Variants in SUMO3 observed in about 807,000 individuals in gnomAD.
SUMO3 encodes the protein small ubiquitin-related modifier 3.
Under a neutral mutation model 11.1 loss-of-function variants are expected in SUMO3, and 2 were observed. The observed-to-expected ratio is 0.18, with a 90% CI of 0.07 to 0.57. The LOEUF (loss-of-function observed/expected upper bound fraction) is 0.57. Among genes scored for constraint, SUMO3 ranks in the 20% least tolerant of loss-of-function variants. The probability of loss-of-function intolerance (pLI) is 0.92; values close to 1 mark genes in which losing one functional copy is unlikely to be tolerated. For synonymous variants in SUMO3, 56 were observed against 53.5 expected (o/e 1.05, Z -0.20); for missense variants, 70 against 132.8 (o/e 0.53, Z 2.32).
rs372124158 is a variant in SUMO3, at chr21:44,806,943, C to T, written c.*8G>A. The T allele has an allele frequency of 2.6e-5, 42 of 1,614,046 alleles. No individual in the cohort carries two copies. Among genetic ancestry groups the T allele is most frequent in the East Asian group, 1.8e-4 (8 of 44,878 alleles). On this transcript the variant is annotated 3_prime_UTR_variant, in exon 4 of 4. Coordinates refer to ENST00000332859, the MANE Select transcript of SUMO3 (RefSeq NM_006936.3). ...GAGGATGGACGGCCCGGGCTGGGGA[C>T]GGGCCCTCTAGAAACTGTGCCCTGC...
At chr21:44,809,311 G>T (rs1442618548) in intron 2 of SUMO3, among the ~76,000 whole-genome samples, 193 bp from the exon 3 acceptor site, 1 of 152,182 alleles carries the variant, frequency 6.6e-6, no homozygotes, top group African/African-American at 2.4e-5. Context: ...TTATGATCCA[G>T]CTCAGTATTA....
At chr21:44,816,579 A>C (rs2083244669) in intron 1 of SUMO3, among the ~76,000 whole-genome samples, 1 of 152,228 alleles carries the variant, frequency 6.6e-6, no homozygotes, top group South Asian at 2.1e-4. Flanking sequence ...CTTCAGCTCT[A>C]GTCATCTTCC....
At chr21:44,808,283 T>C (rs865971757) in intron 3 of SUMO3, 24 of 302,372 alleles carry the variant, frequency 7.9e-5, no homozygotes, top group South Asian at 1.3e-4. Context: ...GGGGCTGAGG[T>C]GGGCAGATCA....
chr21:44,818,037 CCCCGCCGCTCT>C lies in SUMO3; in HGVS notation c.-80_-70del, dbSNP rs1355406613. 55 of 1,135,104 alleles carry C rather than the reference CCCCGCCGCTCT, an allele frequency of 4.8e-5. No homozygotes were observed. Among genetic ancestry groups the C allele is most frequent in the Non-Finnish European group, 5.9e-5 (54 of 915,966 alleles). The allele number at this position is 1,135,104 out of a possible 1,614,324, so 70.3% of individuals were successfully genotyped here. ...CGGAGCGGGCGAGTCACGCTCTCGGCCCCGCCGCTCTCCCGCCGCAACTGTGCGCGGGGCCG... is the reference window on the plus strand; with the variant it reads ...CGGAGCGGGCGAGTCACGCTCTCGGCCCCGCCGCAACTGTGCGCGGGGCCG... On this transcript the variant is annotated 5_prime_UTR_variant, in exon 1 of 4. Coordinates refer to ENST00000332859, the MANE Select transcript of SUMO3 (RefSeq NM_006936.3).
chr21:44,809,238 A>T (rs1397809552), intron 2 of SUMO3, 120 bp from the exon 3 acceptor site: 13 of 936,658 alleles, frequency 1.4e-5, no homozygotes, highest in Non-Finnish European at 2.0e-5. Flanking sequence ...AAACATTTCC[A>T]GATACGGCTT....
chr21:44,812,047 T>A (rs2083215076), intron 2 of SUMO3, among the ~76,000 whole-genome samples: 1 of 116,186 alleles, frequency 8.6e-6, no homozygotes, highest in Non-Finnish European at 1.7e-5. Context: ...CCACTGAACT[T>A]CTCACCTTTT....
chr21:44,808,601 C>T (rs1027382450), intron 3 of SUMO3: 56 of 1,369,280 alleles, frequency 4.1e-5, no homozygotes, highest in Non-Finnish European at 5.1e-5. Context: ...TCATTCATGT[C>T]TGCATGTGCC....
In SUMO3 at chr21:44,810,799, G is replaced by A. The variant is rs1262043727; in HGVS notation, c.151-1681C>T. Reference sequence around the variant, plus strand: ...CATGCTTGCACAGAAGTCAGCCTGCGTGAGAGCAGTCAGGGAAAGGCTCAC... The same window carrying A: ...CATGCTTGCACAGAAGTCAGCCTGCATGAGAGCAGTCAGGGAAAGGCTCAC... On this transcript the variant is annotated intron_variant, in intron 2 of 3. Coordinates refer to ENST00000332859, the MANE Select transcript of SUMO3 (RefSeq NM_006936.3). This position sits in a 1 kb window ranked among gnomAD's most constrained non-coding sequence, Gnocchi z 4.1. Among the ~76,000 whole-genome samples, 4 of 152,136 alleles carry A rather than the reference G, an allele frequency of 2.6e-5. No homozygotes were observed. The highest frequency in any genetic ancestry group is 4.4e-5 in the Non-Finnish European group (3 of 68,024).
In SUMO3 at chr21:44,811,101, CACACACATGCACACACCCACATAT is replaced by C. The variant is rs2083209796; in HGVS notation, c.151-2007_151-1984del. On this transcript the variant is annotated intron_variant, in intron 2 of 3. Coordinates refer to ENST00000332859, the MANE Select transcript of SUMO3 (RefSeq NM_006936.3). The surrounding 1 kb of genome is among the most constrained non-coding windows in gnomAD (Gnocchi z 5.0). ...ATGCACACATGCACACACCCACATA[CACACACATGCACACACCCACATAT>C]ACACACAGGCACACACCCACACATA... 6.7e-6 allele frequency among the ~76,000 whole-genome samples: 1 copy of C among 149,796 alleles called. No homozygotes were observed. The highest frequency in any genetic ancestry group is 1.5e-5 in the Non-Finnish European group (1 of 67,612).
chr21:44,811,442 T>G lies in SUMO3; in HGVS notation c.151-2324A>C, dbSNP rs561700752. On this transcript the variant is annotated intron_variant, in intron 2 of 3. Transcript: ENST00000332859. The surrounding 1 kb of genome is among the most constrained non-coding windows in gnomAD (Gnocchi z 5.0). ...AAAAAATGAGCCAGGCGTGGTGGCG[T>G]GTACCTGGAGTCCCACCTACTCGGG... Among the ~76,000 whole-genome samples, 1 of 151,908 alleles carries G rather than the reference T, an allele frequency of 6.6e-6. No individual in the cohort carries two copies. Among genetic ancestry groups the G allele is most frequent in the Non-Finnish European group, 1.5e-5 (1 of 67,990 alleles).
chr21:44,813,059 A>G (rs138153344), intron 2 of SUMO3, among the ~76,000 whole-genome samples: 3 of 152,362 alleles, frequency 2.0e-5, no homozygotes, highest in African/African-American at 7.2e-5. Context: ...GCTTGCCAAT[A>G]AAGAATGCAA....
intron 1 of SUMO3, among the ~76,000 whole-genome samples, chr21:44,817,382 G>A (rs974166976): frequency 6.6e-5 from 10 of 152,092 alleles, no homozygotes; most frequent in African/African-American, 2.4e-4. Flanking sequence ...GGTGAATACC[G>A]GGGTCGCGAT....
At position 44,818,003 on chromosome 21, in the gene SUMO3, G is replaced by A. The variant is rs1413483453; in HGVS notation, c.-35C>T. ...AGCGGCGCGGGGAGGCGGCGCGGGGGAAGCAGCGCGGAGCGGGCGAGTCAC... is the reference window on the plus strand; with the variant it reads ...AGCGGCGCGGGGAGGCGGCGCGGGGAAAGCAGCGCGGAGCGGGCGAGTCAC... On this transcript the variant is annotated 5_prime_UTR_variant, in exon 1 of 4. Coordinates refer to ENST00000332859, the MANE Select transcript of SUMO3 (RefSeq NM_006936.3). 1 of 1,178,200 alleles carries A rather than the reference G, an allele frequency of 8.5e-7. No individual in the cohort carries two copies. Among genetic ancestry groups the A allele is most frequent in the Non-Finnish European group, 1.0e-6 (1 of 953,064 alleles). The allele number at this position is 1,178,200 out of a possible 1,614,324, so 73.0% of individuals were successfully genotyped here.
intron 1 of SUMO3, among the ~76,000 whole-genome samples, chr21:44,817,151 T>C (rs9979741): frequency 0.093 from 7,123 of 76,226 alleles, 564 homozygotes; most frequent in African/African-American, 0.26. Flanking sequence ...GAGGAGTGGG[T>C]ACACACCATG....
Position 44,818,060 on chromosome 21 carries a change from T to G in SUMO3, c.-92A>C. ...GGCCCCGCCGCTCTCCCGCCGCAACTGTGCGCGGGGCCGCGCTTTATCCCC... is the reference window on the plus strand; with the variant it reads ...GGCCCCGCCGCTCTCCCGCCGCAACGGTGCGCGGGGCCGCGCTTTATCCCC... On this transcript the variant is annotated 5_prime_UTR_variant, in exon 1 of 4. Transcript: ENST00000332859. 1 of 1,037,766 alleles carries G rather than the reference T, an allele frequency of 9.6e-7. No homozygotes were observed. The allele number at this position is 1,037,766 out of a possible 1,614,324, so 64.3% of individuals were successfully genotyped here.
chr21:44,809,135 G>A lies in SUMO3; in HGVS notation c.151-17C>T. 3 of 1,613,000 alleles carry A rather than the reference G, an allele frequency of 1.9e-6. No homozygotes were observed. The highest frequency in any genetic ancestry group is 2.5e-6 in the Non-Finnish European group (3 of 1,179,086). On this transcript the variant is annotated splice_polypyrimidine_tract_variant and intron_variant, in intron 2 of 3. Coordinates refer to ENST00000332859, the MANE Select transcript of SUMO3 (RefSeq NM_006936.3). ...TGACAAGCCCTGGAAAGGAAAAGCA[G>A]TGGCCATTAGTCTCACTGGCAAGCC... is the stretch of plus-strand genomic sequence containing the variant.
At position 44,807,667 on chromosome 21, in the gene SUMO3, C is replaced by T. The variant is rs1162781954; in HGVS notation, c.223-627G>A. On this transcript the variant is annotated intron_variant, in intron 3 of 3. Coordinates refer to ENST00000332859, the MANE Select transcript of SUMO3 (RefSeq NM_006936.3). This position sits in a 1 kb window ranked among gnomAD's most constrained non-coding sequence, Gnocchi z 4.3. ...GAGGAAGCTTCTGCCAGTTCCTACA[C>T]AGACTCAGCAAGGCTGGAAGTAGTC... Among the ~76,000 whole-genome samples the T allele has an allele frequency of 1.3e-5, 2 of 152,228 alleles. No homozygotes were observed. Among genetic ancestry groups the T allele is most frequent in the African/African-American group, 2.4e-5 (1 of 41,466 alleles).
Position 44,806,926 on chromosome 21 carries a change from A to G in SUMO3, c.*25T>C. 1 of 1,613,904 alleles carries G rather than the reference A, an allele frequency of 6.2e-7. No individual in the cohort carries two copies. On this transcript the variant is annotated 3_prime_UTR_variant, in exon 4 of 4. Coordinates refer to ENST00000332859, the MANE Select transcript of SUMO3 (RefSeq NM_006936.3). The stretch of plus-strand genomic sequence containing the variant: ...CCATTCAACAGCAATGCGAGGATGG[A>G]CGGCCCGGGCTGGGGACGGGCCCTC...
At position 44,806,278 on chromosome 21, in the gene SUMO3, CA is replaced by C. The variant is rs2083175727; in HGVS notation, c.*672del. The C allele has an allele frequency of 9.4e-6, 1 of 106,572 alleles. No individual in the cohort carries two copies. Among genetic ancestry groups the C allele is most frequent in the Non-Finnish European group, 1.9e-5 (1 of 52,454 alleles). The allele number at this position is 106,572 out of a possible 1,614,324, so 6.6% of individuals were successfully genotyped here. On this transcript the variant is annotated 3_prime_UTR_variant, in exon 4 of 4. Transcript: ENST00000332859. ...GCAGGGAGTGGGGTGGGAGGGGTGG[CA>C]GGGGGGTGGGTCCTGGGCCTCAGAC...
Sources: allele counts gnomAD v4.1 joint callset (sites outside exome capture counted in the v4.1 genomes callset), GRCh38; gene constraint gnomAD v4.1.1; non-coding constraint Gnocchi (gnomAD v3.1); transcripts MANE v1.5; gene names NCBI Gene and HGNC (gene_info 2026-07-23, HGNC 2026-07-21).